HTRA3: variants seen among roughly 807,000 people sequenced by gnomAD.
HTRA3 encodes HtrA serine peptidase 3.
In HTRA3, 41 loss-of-function variants were observed where a neutral mutation model predicts 43.2. The observed-to-expected ratio is 0.95, with a 90% CI of 0.74 to 1.23. The LOEUF is 1.23. HTRA3 is among the 50% of genes most tolerant of loss of function. The pLI, the probability that HTRA3 is intolerant of heterozygous loss-of-function variation, is 0.00. For missense variants in HTRA3, 628 were observed against 647.1 expected, an observed-to-expected ratio of 0.97 and a Z score of 0.32; for synonymous variants, 295 against 287.9, an observed-to-expected ratio of 1.02 and a Z score of -0.25.
intron 1 of HTRA3, among the ~76,000 whole-genome samples, chr4:8,270,687 C>T (rs1712234107): frequency 6.6e-6 from 1 of 152,102 alleles, no homozygotes; most frequent in African/African-American, 2.4e-5. Flanking sequence ...CTGCTCTGTC[C>T]GGGTATTGAG....
chr4:8,296,128 T>C lies in HTRA3; in HGVS notation c.1051+1927T>C. On this transcript the variant is annotated intron_variant, in intron 6 of 8. Coordinates refer to ENST00000307358, the MANE Select transcript of HTRA3 (RefSeq NM_053044.5). The surrounding 1 kb of genome is among the most constrained non-coding windows in gnomAD (Gnocchi z 5.3). The stretch of plus-strand genomic sequence containing the variant: ...CCTTACTGGAAATTAGCGGAGCTGC[T>C]GTTTGCACACACTGAGCTGTGAGGT... 1.0e-6 allele frequency: 1 copy of C among 999,178 alleles called. No individual in the cohort carries two copies. Among genetic ancestry groups the C allele is most frequent in the Non-Finnish European group, 1.2e-6 (1 of 839,366 alleles). 61.9% of individuals were successfully genotyped at this position (999,178 alleles called of 1,614,324 possible).
intron 7 of HTRA3, 68 bp from the exon 8 acceptor site, chr4:8,304,116 G>C: frequency 7.7e-7 from 1 of 1,296,628 alleles, no homozygotes; most frequent in South Asian, 1.3e-5. Flanking sequence ...AGGGAGGGAG[G>C]GGCAGCTTCA....
At chr4:8,282,585 C>T (rs1712797519) in intron 2 of HTRA3, 49 bp downstream of exon 2, 11 of 1,399,384 alleles carry the variant, frequency 7.9e-6, no homozygotes, top group Admixed American at 1.8e-5. Context: ...TCCCCTGGTA[C>T]ACCCGCCAGC....
rs780898811 is a variant in HTRA3 at position 8,304,225 on chromosome 4, A to G, written c.1142A>G (p.Glu381Gly). ...ELKASNPDFP[E>G]VSSGIYVQEV... is the part of the protein sequence containing the mutation. ...AAGGCCAGCAACCCGGACTTCCCAGAGGTCAGCAGTGGAATTTATGTGCAA... is the reference window on the plus strand; with the variant it reads ...AAGGCCAGCAACCCGGACTTCCCAGGGGTCAGCAGTGGAATTTATGTGCAA... The change falls in exon 8 of 9, where the codon GAG becomes GGG. Residue 381 changes from glutamate (E) to glycine (G), a missense_variant. Glu to Gly is a moderately conservative substitution (Grantham distance 98). Transcript: ENST00000307358. 10 of 1,614,058 alleles carry G rather than the reference A, an allele frequency of 6.2e-6. No homozygotes were observed. The highest frequency in any genetic ancestry group is 5.5e-5 in the South Asian group (5 of 91,088).
At chr4:8,301,991 AGT>A (rs2153007243) in intron 6 of HTRA3, among the ~76,000 whole-genome samples, 1 of 152,362 alleles carries the variant, frequency 6.6e-6, no homozygotes. Context: ...TTGCGTGTGC[AGT>A]GCCCCAGCCA....
intron 5 of HTRA3, among the ~76,000 whole-genome samples, chr4:8,292,747 C>T (rs1578801894): frequency 6.6e-6 from 1 of 152,324 alleles, no homozygotes; most frequent in East Asian, 1.9e-4. Context: ...TCAAGCTCAG[C>T]CTCATCCCAG....
At chr4:8,270,385 G>T (rs1437330510) in intron 1 of HTRA3, 32 bp downstream of exon 1, 1 of 1,375,672 alleles carries the variant, frequency 7.3e-7, no homozygotes. Flanking sequence ...AGGAAGTGAA[G>T]CTTCTTTCTC....
intron 1 of HTRA3, among the ~76,000 whole-genome samples, chr4:8,275,019 C>T (rs4077991): frequency 3.9e-5 from 6 of 152,032 alleles, no homozygotes; most frequent in Middle Eastern, 3.2e-3. Flanking sequence ...GGCAAGATGA[C>T]GCCTCCCCTC....
intron 1 of HTRA3, among the ~76,000 whole-genome samples, chr4:8,272,816 A>T (rs748785627): frequency 3.9e-5 from 6 of 152,174 alleles, no homozygotes; most frequent in Non-Finnish European, 7.4e-5. Context: ...CAGGTGGGGA[A>T]ATGGGGCCTG....
intron 1 of HTRA3, among the ~76,000 whole-genome samples, chr4:8,278,797 T>A (rs1335348147): frequency 6.6e-6 from 1 of 152,218 alleles, no homozygotes; most frequent in East Asian, 1.9e-4. Flanking sequence ...TCTTTGCCTC[T>A]AAGCCTCAGT....
intron 1 of HTRA3, among the ~76,000 whole-genome samples, chr4:8,272,963 C>T (rs762137877): frequency 6.6e-5 from 10 of 152,200 alleles, no homozygotes; most frequent in Admixed American, 2.6e-4. Flanking sequence ...TTCGGCAGGG[C>T]GACACGCAGA....
rs112579970 is a variant in HTRA3, at chr4:8,295,334, G to A, written c.1051+1133G>A. 1.3e-5 allele frequency among the ~76,000 whole-genome samples: 2 copies of A among 151,812 alleles called. No individual in the cohort carries two copies. The highest frequency in any genetic ancestry group is 1.3e-4 in the Admixed American group (2 of 15,242). ...GTCTTTGGAAGTCACCCTCCTCCAAGCCCCCATTTCCTTGCCCCCATTTCC... is the reference window on the plus strand; with the variant it reads ...GTCTTTGGAAGTCACCCTCCTCCAAACCCCCATTTCCTTGCCCCCATTTCC... On this transcript the variant is annotated intron_variant, in intron 6 of 8. Transcript: ENST00000307358. The surrounding 1 kb of genome is among the most constrained non-coding windows in gnomAD (Gnocchi z 6.9).
chr4:8,304,653 T>G (rs112156499), intron 8 of HTRA3, among the ~76,000 whole-genome samples: 3,439 of 91,122 alleles, frequency 0.038, 64 homozygotes, highest in Non-Finnish European at 0.054. Context: ...GTTTTTTTTT[T>G]TTTTTTTTTT....
rs1466189431 is a variant in HTRA3 at position 8,279,584 on chromosome 4, G to A, written c.386-2853G>A. Among the ~76,000 whole-genome samples, 2 of 152,138 alleles carry A rather than the reference G, an allele frequency of 1.3e-5. No homozygotes were observed. The highest frequency in any genetic ancestry group is 4.8e-5 in the African/African-American group (2 of 41,400). On this transcript the variant is annotated intron_variant, in intron 1 of 8. Transcript: ENST00000307358. This position sits in a 1 kb window ranked among gnomAD's most constrained non-coding sequence, Gnocchi z 7.4. Reference sequence around the variant, plus strand: ...GGGGTCCAGAGAGCTTTCCGGCCCTGGGTGTTGGAGTGTCTGAGTCCAGGA... The same window carrying A: ...GGGGTCCAGAGAGCTTTCCGGCCCTAGGTGTTGGAGTGTCTGAGTCCAGGA...
At chr4:8,277,914 G>T (rs1712593669) in intron 1 of HTRA3, among the ~76,000 whole-genome samples, 1 of 152,210 alleles carries the variant, frequency 6.6e-6, no homozygotes, top group South Asian at 2.1e-4. Flanking sequence ...AAGGGGCAGG[G>T]ACCTTAGAGA....
At position 8,270,081 on chromosome 4, in the gene HTRA3, G is replaced by T. The variant is rs763907209; in HGVS notation, c.113G>T (p.Arg38Leu). Residue 38 changes from arginine to leucine, a missense_variant, in exon 1 of 9, where the codon CGC becomes CTC. By Grantham distance (102) the Arg-to-Leu change is moderately radical. Coordinates refer to ENST00000307358, the MANE Select transcript of HTRA3 (RefSeq NM_053044.5). ...GACGTGTCGCGGTGTCCCAGCCCCC[G>T]CTGCCCCGGCGGCTACGTGCCCGAC... ...RCDVSRCPSPRCPGGYVPDLC... is the reference protein window; with the variant it reads ...RCDVSRCPSPLCPGGYVPDLC... 1.3e-6 allele frequency: 2 copies of T among 1,524,928 alleles called. No homozygotes were observed. Among genetic ancestry groups the T allele is most frequent in the Middle Eastern group, 2.2e-4 (1 of 4,604 alleles). The allele number at this position is 1,524,928 out of a possible 1,614,324, so 94.5% of individuals were successfully genotyped here. A position where few individuals can be genotyped will look rare whatever the true frequency, so the allele number is the denominator to read the frequency against.
Position 8,286,578 on chromosome 4 carries a change from G to T in HTRA3, c.503G>T (p.Arg168Leu), listed in dbSNP as rs201529995. 2 of 1,613,734 alleles carry T rather than the reference G, an allele frequency of 1.2e-6. No homozygotes were observed. The highest frequency in any genetic ancestry group is 8.5e-7 in the Non-Finnish European group (1 of 1,180,008). The change falls in exon 3 of 9, where the codon CGC (arginine) becomes CTC (leucine). Residue 168 changes from arginine to leucine, a missense_variant. Physicochemically the swap from Arg to Leu is moderately radical, Grantham distance 102. Coordinates refer to ENST00000307358, the MANE Select transcript of HTRA3 (RefSeq NM_053044.5). The surrounding 1 kb of genome is among the most constrained non-coding windows in gnomAD (Gnocchi z 4.9). ...GGCTGCAGACACCCGCTGTTTGGCC[G>T]CAACGTGCCCCTGTCCAGCGGTTCT... is the stretch of plus-strand genomic sequence containing the variant. The part of the protein sequence containing the change: ...ELFLRHPLFG[R>L]NVPLSSGSGF...
intron 1 of HTRA3, among the ~76,000 whole-genome samples, chr4:8,280,543 T>C (rs1219809572): frequency 6.6e-6 from 1 of 152,170 alleles, no homozygotes; most frequent in Admixed American, 6.5e-5. Flanking sequence ...GCACGGCAGC[T>C]TCACCTCACC....
chr4:8,288,596 G>T, intron 3 of HTRA3, among the ~76,000 whole-genome samples: 1 of 143,822 alleles, frequency 7.0e-6, no homozygotes, highest in Admixed American at 7.1e-5. Flanking sequence ...TTTTTGAGAC[G>T]GGTTCTTGCT....
Sources: allele counts gnomAD v4.1 joint callset (sites outside exome capture counted in the v4.1 genomes callset), GRCh38; gene constraint gnomAD v4.1.1; non-coding constraint Gnocchi (gnomAD v3.1); transcripts MANE v1.5; gene names NCBI Gene and HGNC (gene_info 2026-07-23, HGNC 2026-07-21).